LINGO2: variants seen among roughly 807,000 people sequenced by gnomAD.
The protein encoded by LINGO2 is leucine-rich repeat and immunoglobulin-like domain-containing nogo receptor-interacting protein 2.
In LINGO2, 14 loss-of-function variants were observed where a neutral mutation model predicts 30.6. The observed-to-expected ratio is 0.46, with a 90% CI of 0.30 to 0.72. The LOEUF is 0.72. Among genes scored for constraint, LINGO2 ranks in the 30% least tolerant of loss-of-function variants. LINGO2 has a pLI of 0.07. For synonymous variants in LINGO2, 317 were observed against 288.5 expected (o/e 1.10, Z -1.00); for missense variants, 729 against 751.7 (o/e 0.97, Z 0.35).
At chr9:28,206,176 A>G (rs933532703) in intron 4 of LINGO2, among the ~76,000 whole-genome samples, 4 of 150,890 alleles carry the variant, frequency 2.7e-5, no homozygotes, top group Admixed American at 2.0e-4. Flanking sequence ...AAAAAAAAAA[A>G]AAAAAAAAAA....
intron 2 of LINGO2, among the ~76,000 whole-genome samples, chr9:28,379,646 A>G (rs1328603050): frequency 5.9e-5 from 9 of 152,092 alleles, no homozygotes; most frequent in Non-Finnish European, 8.8e-5. Context: ...CACAAACACG[A>G]ATGCTATTGT....
chr9:28,978,915 G>A, the LINGO2 span, among the ~76,000 whole-genome samples: 1 of 152,138 alleles, frequency 6.6e-6, no homozygotes, highest in Non-Finnish European at 1.5e-5. Flanking sequence ...AAAGTATATA[G>A]TCATACATTG....
At chr9:28,712,860 A>C in the LINGO2 span, among the ~76,000 whole-genome samples, 1 of 151,858 alleles carries the variant, frequency 6.6e-6, no homozygotes, top group Admixed American at 6.6e-5. Flanking sequence ...ATTTTTTTTA[A>C]ATTTTCATTT....
chr9:28,107,948 G>A (rs1826647135), intron 4 of LINGO2, among the ~76,000 whole-genome samples: 1 of 152,060 alleles, frequency 6.6e-6, no homozygotes, highest in Non-Finnish European at 1.5e-5. Context: ...TCACTTTTCA[G>A]GACATAGAAT....
the LINGO2 span, among the ~76,000 whole-genome samples, chr9:29,051,771 C>T: frequency 6.6e-6 from 1 of 152,070 alleles, no homozygotes; most frequent in East Asian, 1.9e-4. Flanking sequence ...GGATTTTGGA[C>T]TCAGGAAGCT....
chr9:28,382,742 CTTGCTGT>C (rs1821403233), intron 2 of LINGO2, among the ~76,000 whole-genome samples: 1 of 152,042 alleles, frequency 6.6e-6, no homozygotes. Flanking sequence ...AACTCTTTAA[CTTGCTGT>C]GTGCTCTTTG....
the LINGO2 span, among the ~76,000 whole-genome samples, chr9:29,072,614 T>G: frequency 1.4e-5 from 2 of 146,874 alleles, no homozygotes; most frequent in African/African-American, 2.5e-5. Context: ...CTCTCTTTGA[T>G]ATATATATAT....
At chr9:28,835,954 C>T in the LINGO2 span, among the ~76,000 whole-genome samples, 1 of 152,136 alleles carries the variant, frequency 6.6e-6, no homozygotes, top group African/African-American at 2.4e-5. Context: ...CAGGAACCAA[C>T]TCATTTTCAT....
intron 4 of LINGO2, among the ~76,000 whole-genome samples, chr9:28,172,034 CA>C (rs11421803): frequency 1.0e-5 from 1 of 98,742 alleles, no homozygotes; most frequent in Non-Finnish European, 1.9e-5. Flanking sequence ...AAAAAAAAAA[CA>C]AAAAAAAAAA....
intron 1 of LINGO2, among the ~76,000 whole-genome samples, chr9:28,581,764 G>C (rs2135656137): frequency 6.6e-6 from 1 of 151,814 alleles, no homozygotes; most frequent in Non-Finnish European, 1.5e-5. Flanking sequence ...CTGATCAATG[G>C]TTTTCCTTCT....
In LINGO2 at chr9:28,635,298, C is replaced by T. The variant is rs74611016; in HGVS notation, c.-365+34902G>A. Among the ~76,000 whole-genome samples the T allele has an allele frequency of 8.3e-3, 1,257 of 152,198 alleles. 28 individuals carry two copies. Among genetic ancestry groups the T allele is most frequent in the East Asian group, 0.036 (188 of 5,174 alleles). Reference sequence around the variant, plus strand: ...TAGAAAGACAAATATGATAAGGAAGCACAAAGGAGGTAGACTTCTACCCTA... The same window carrying T: ...TAGAAAGACAAATATGATAAGGAAGTACAAAGGAGGTAGACTTCTACCCTA... On this transcript the variant is annotated intron_variant, in intron 1 of 5. Coordinates refer to ENST00000379992, the Ensembl canonical transcript of LINGO2.
intron 4 of LINGO2, among the ~76,000 whole-genome samples, chr9:28,272,514 A>G (rs1169232139): frequency 2.0e-5 from 3 of 151,846 alleles, no homozygotes; most frequent in Non-Finnish European, 4.4e-5. Flanking sequence ...ATACCTCCCT[A>G]AAGACTCTCT....
the LINGO2 span, among the ~76,000 whole-genome samples, chr9:29,044,683 C>G: frequency 6.6e-6 from 1 of 151,804 alleles, no homozygotes; most frequent in Non-Finnish European, 1.5e-5. Context: ...ATTCAAGTAA[C>G]CTAAATTTTT....
chr9:28,551,460 T>C, intron 1 of LINGO2, among the ~76,000 whole-genome samples: 1 of 151,832 alleles, frequency 6.6e-6, no homozygotes, highest in East Asian at 1.9e-4. Flanking sequence ...TTAATAGAGG[T>C]AGGGTTTTAG....
chr9:28,160,382 G>T lies in LINGO2; in HGVS notation c.-87+134826C>A, dbSNP rs148308422. Among the ~76,000 whole-genome samples, 268 of 152,218 alleles carry T rather than the reference G, an allele frequency of 1.8e-3. 4 individuals are homozygous for T. In the South Asian group the frequency reaches 0.036, roughly 21 times the overall value. On this transcript the variant is annotated intron_variant, in intron 4 of 5. Coordinates refer to ENST00000379992, the Ensembl canonical transcript of LINGO2. ...AAAAATAAAAGAAAGGGGAGAAACT[G>T]AAAAAAGAATTCTTCGCTGTCAAAT... is the stretch of plus-strand genomic sequence containing the variant.
At chr9:28,253,820 G>A (rs1429117623) in intron 4 of LINGO2, among the ~76,000 whole-genome samples, 3 of 151,952 alleles carry the variant, frequency 2.0e-5, no homozygotes, top group Non-Finnish European at 2.9e-5. Context: ...AAGTGTAAGC[G>A]GGTCCCCGGA....
At chr9:29,072,084 A>C in the LINGO2 span, among the ~76,000 whole-genome samples, 2 of 152,090 alleles carry the variant, frequency 1.3e-5, no homozygotes, top group Admixed American at 6.6e-5. Flanking sequence ...CTCCACTAGA[A>C]AGTTGGGCAA....
At chr9:28,293,319 A>T (rs1027817762) in intron 4 of LINGO2, among the ~76,000 whole-genome samples, 1 of 151,870 alleles carries the variant, frequency 6.6e-6, no homozygotes, top group Non-Finnish European at 1.5e-5. Flanking sequence ...GATGATCTCA[A>T]ACTCCTTGTC....
the LINGO2 span, among the ~76,000 whole-genome samples, chr9:28,930,912 G>A: frequency 6.6e-6 from 1 of 152,040 alleles, no homozygotes; most frequent in Non-Finnish European, 1.5e-5. This position sits in a 1 kb window ranked among gnomAD's most constrained non-coding sequence, Gnocchi z 4.2. Flanking sequence ...TTACTCTACT[G>A]CTTTTCATTA....
Sources: gnomAD v4.1 joint callset for allele counts (sites outside exome capture counted in the v4.1 genomes callset) on GRCh38, gnomAD v4.1.1 for gene constraint, Gnocchi (gnomAD v3.1) non-coding constraint, MANE v1.5 for transcripts, NCBI Gene and HGNC (gene_info 2026-07-23, HGNC 2026-07-21) for gene names.